TNNI3K: variants seen among roughly 807,000 people sequenced by gnomAD.
TNNI3K encodes TNNI3 interacting kinase.
Under a neutral mutation model 114.5 loss-of-function variants are expected in TNNI3K, and 140 were observed. The observed-to-expected ratio is 1.22, with a 90% CI of 1.07 to 1.41. The LOEUF is 1.41. TNNI3K is among the 40% of genes most tolerant of loss of function. The pLI, the probability that TNNI3K is intolerant of heterozygous loss-of-function variation, is 0.00. For missense variants in TNNI3K, 1,125 were observed against 1,007.6 expected, an observed-to-expected ratio of 1.12 and a Z score of -1.58; for synonymous variants, 347 against 347.5, an observed-to-expected ratio of 1.00 and a Z score of 0.02.
intron 23 of TNNI3K, among the ~76,000 whole-genome samples, chr1:74,499,244 C>A (rs1226752600): frequency 6.6e-6 from 1 of 152,174 alleles, no homozygotes; most frequent in African/African-American, 2.4e-5. Context: ...TTGGCTCAAG[C>A]AATCCTCCTG....
chr1:74,531,536 G>T (rs746414130), intron 23 of TNNI3K, among the ~76,000 whole-genome samples: 15 of 152,212 alleles, frequency 9.9e-5, no homozygotes, highest in Non-Finnish European at 2.2e-4. Flanking sequence ...CCGTCTGACA[G>T]ATCTGTTTTA....
chr1:74,440,895 T>C (rs1191645711), intron 20 of TNNI3K, among the ~76,000 whole-genome samples: 1 of 152,212 alleles, frequency 6.6e-6, no homozygotes, highest in East Asian at 1.9e-4. Context: ...TTAGATGTAC[T>C]ATGGTGTTTT....
At chr1:74,463,962 G>T (rs1287974743) in intron 21 of TNNI3K, among the ~76,000 whole-genome samples, 2 of 152,226 alleles carry the variant, frequency 1.3e-5, no homozygotes, top group African/African-American at 4.8e-5. Flanking sequence ...GCTCACGTAG[G>T]AGGCAGAAGA....
intron 2 of TNNI3K, among the ~76,000 whole-genome samples, chr1:74,238,590 A>G (rs1436944356): frequency 6.6e-6 from 1 of 152,086 alleles, no homozygotes; most frequent in African/African-American, 2.4e-5. Flanking sequence ...TATTAGCACA[A>G]TTTAGGAAGA....
In TNNI3K at chr1:74,242,357, A is replaced by T. The variant is rs1654289846; in HGVS notation, c.149+6147A>T. On this transcript the variant is annotated intron_variant, in intron 2 of 24. Transcript: ENST00000326637. ...AGGAAATAAAAAAATGTTTTCTGAGATACACCTTTTTGTACCTTTTCTCTC... is the reference window on the plus strand; with the variant it reads ...AGGAAATAAAAAAATGTTTTCTGAGTTACACCTTTTTGTACCTTTTCTCTC... Among the ~76,000 whole-genome samples the T allele has an allele frequency of 1.3e-5, 2 of 152,282 alleles. 1 individual carries two copies. Among genetic ancestry groups the T allele is most frequent in the South Asian group, 4.1e-4 (2 of 4,822 alleles).
At chr1:74,329,913 A>T (rs1278926983) in intron 5 of TNNI3K, among the ~76,000 whole-genome samples, 1 of 152,078 alleles carries the variant, frequency 6.6e-6, no homozygotes, top group African/African-American at 2.4e-5. Context: ...AGGTGATAGG[A>T]CATAAGTCCC....
chr1:74,265,477 G>A (rs886144591), intron 4 of TNNI3K, among the ~76,000 whole-genome samples: 1 of 151,900 alleles, frequency 6.6e-6, no homozygotes, highest in African/African-American at 2.4e-5. Flanking sequence ...GCTGCAGTGG[G>A]TCCTGAAATA....
chr1:74,530,610 T>A (rs1646569249), intron 23 of TNNI3K, among the ~76,000 whole-genome samples: 1 of 152,176 alleles, frequency 6.6e-6, no homozygotes, highest in South Asian at 2.1e-4. Flanking sequence ...TGAACTGGGA[T>A]AGGTTATTTC....
intron 4 of TNNI3K, among the ~76,000 whole-genome samples, chr1:74,267,252 A>T (rs1457509037): frequency 3.3e-5 from 5 of 151,860 alleles, no homozygotes; most frequent in Non-Finnish European, 4.4e-5. Flanking sequence ...TTACAGGAAA[A>T]TTTTTTCCAG....
At chr1:74,260,589 A>G (rs1216058939) in intron 4 of TNNI3K, among the ~76,000 whole-genome samples, 1 of 152,150 alleles carries the variant, frequency 6.6e-6, no homozygotes, top group Admixed American at 6.5e-5. Flanking sequence ...TTAGCAAAAT[A>G]CCTAGCATAT....
intron 17 of TNNI3K, among the ~76,000 whole-genome samples, chr1:74,413,930 A>G (rs957504291): frequency 4.6e-5 from 7 of 152,152 alleles, no homozygotes; most frequent in Non-Finnish European, 8.8e-5. Flanking sequence ...GAATGCTTTA[A>G]GATACATATC....
At chr1:74,454,477 T>C (rs1667151022) in intron 20 of TNNI3K, among the ~76,000 whole-genome samples, 1 of 152,200 alleles carries the variant, frequency 6.6e-6, no homozygotes, top group Non-Finnish European at 1.5e-5. Context: ...GATATTTGTT[T>C]TTCTGTGCCT....
intron 17 of TNNI3K, chr1:74,373,412 G>A (rs935282027): frequency 1.3e-5 from 2 of 151,896 alleles, no homozygotes; most frequent in African/African-American, 4.8e-5. Flanking sequence ...TAGAGAGAAA[G>A]ATGCACATCA....
chr1:74,467,172 G>A (rs574313303), intron 21 of TNNI3K, among the ~76,000 whole-genome samples: 182 of 152,260 alleles, frequency 1.2e-3, no homozygotes, highest in African/African-American at 4.3e-3. Flanking sequence ...AAATTCATTA[G>A]GAGAACAGAT....
chr1:74,515,587 C>A (rs1407933932), intron 23 of TNNI3K, among the ~76,000 whole-genome samples: 1 of 152,086 alleles, frequency 6.6e-6, no homozygotes, highest in African/African-American at 2.4e-5. Context: ...GAAGAGATTG[C>A]AAGTAATTGA....
chr1:74,252,933 C>T (rs1036922747), intron 4 of TNNI3K, among the ~76,000 whole-genome samples: 1 of 152,178 alleles, frequency 6.6e-6, no homozygotes, highest in East Asian at 1.9e-4. Context: ...TGCTTTTATT[C>T]TCTTATCTGG....
chr1:74,469,580 T>C (rs547342007), intron 21 of TNNI3K: 15 of 86,700 alleles, frequency 1.7e-4, no homozygotes, highest in Non-Finnish European at 2.2e-4. Context: ...GTTTAAGGCT[T>C]TTTTTTTTTC....
intron 9 of TNNI3K, among the ~76,000 whole-genome samples, chr1:74,347,175 G>T (rs1206534363): frequency 9.0e-6 from 1 of 110,822 alleles, no homozygotes; most frequent in Non-Finnish European, 1.7e-5. Context: ...AACAGTCTCC[G>T]GTGTGTGATG....
chr1:74,246,776 C>T (rs1654586323), intron 2 of TNNI3K, among the ~76,000 whole-genome samples: 2 of 152,096 alleles, frequency 1.3e-5, no homozygotes, highest in South Asian at 4.1e-4. Context: ...TGAGAAAATG[C>T]AGTTTTTCAA....
Sources: gnomAD v4.1 joint callset for allele counts (sites outside exome capture counted in the v4.1 genomes callset) on GRCh38, gnomAD v4.1.1 for gene constraint, MANE v1.5 for transcripts, NCBI Gene and HGNC (gene_info 2026-07-23, HGNC 2026-07-21) for gene names.